Variants in SH3BP5 observed in about 807,000 individuals in gnomAD.
SH3BP5 encodes SH3 domain-binding protein 5.
A neutral mutation model predicts 43.3 loss-of-function variants in SH3BP5; 22 were observed. The observed-to-expected ratio is 0.51, with a 90% CI of 0.36 to 0.73. The LOEUF (loss-of-function observed/expected upper bound fraction) is 0.73. Ranked by LOEUF, SH3BP5 falls within the 30% of genes least tolerant of loss-of-function variation. The probability of loss-of-function intolerance (pLI) is 0.00; values close to 1 mark genes in which losing one functional copy is unlikely to be tolerated. For missense variants in SH3BP5, 529 were observed against 586.9 expected, an observed-to-expected ratio of 0.90 and a Z score of 1.02; for synonymous variants, 255 against 225.8, an observed-to-expected ratio of 1.13 and a Z score of -1.16.
At chr3:15,271,964 C>A (rs142962560) in intron 3 of SH3BP5, among the ~76,000 whole-genome samples, 1,904 of 152,196 alleles carry the variant, frequency 0.013, 26 homozygotes, top group Non-Finnish European at 0.017. Context: ...CTCGTCCCAC[C>A]ACCCTCCCTC....
At chr3:15,275,849 C>T (rs1423880779) in intron 3 of SH3BP5, 1 of 151,868 alleles carries the variant, frequency 6.6e-6, no homozygotes, top group African/African-American at 2.4e-5. Flanking sequence ...GGTGAAACCC[C>T]GCCTCTACCT....
chr3:15,286,598 A>G (rs1697272250), intron 3 of SH3BP5, among the ~76,000 whole-genome samples: 1 of 152,218 alleles, frequency 6.6e-6, no homozygotes, highest in Non-Finnish European at 1.5e-5. Flanking sequence ...CCCAGGCTAC[A>G]GTGCAGTGGC....
intron 1 of SH3BP5, 151 bp downstream of exon 1, chr3:15,332,120 C>A: frequency 1.6e-6 from 2 of 1,221,196 alleles, no homozygotes; most frequent in Non-Finnish European, 2.3e-6. Flanking sequence ...GACGATGAAA[C>A]GGAGCATACA....
chr3:15,267,870 A>C (rs2125060924), intron 4 of SH3BP5, among the ~76,000 whole-genome samples: 1 of 152,344 alleles, frequency 6.6e-6, no homozygotes, highest in East Asian at 1.9e-4. Flanking sequence ...ACAACAGATT[A>C]AATGACTTCT....
At chr3:15,295,829 A>G (rs1460638766) in intron 3 of SH3BP5, among the ~76,000 whole-genome samples, 3 of 152,240 alleles carry the variant, frequency 2.0e-5, no homozygotes, top group Non-Finnish European at 4.4e-5. Context: ...TTAAAAAAGC[A>G]GAGTGGACAG....
chr3:15,316,423 CCATGTTGGT>C (rs1238212857), intron 2 of SH3BP5, among the ~76,000 whole-genome samples: 4 of 151,912 alleles, frequency 2.6e-5, no homozygotes, highest in Non-Finnish European at 5.9e-5. Context: ...CGGGGTTTCA[CCATGTTGGT>C]CAGGCTGGTC....
At chr3:15,293,491 G>C (rs1167963418) in intron 3 of SH3BP5, among the ~76,000 whole-genome samples, 1 of 152,236 alleles carries the variant, frequency 6.6e-6, no homozygotes, top group Non-Finnish European at 1.5e-5. Context: ...TGGAACAAGA[G>C]CTTCTCGGAA....
chr3:15,297,521 T>C (rs901604166), intron 3 of SH3BP5, among the ~76,000 whole-genome samples: 5 of 152,212 alleles, frequency 3.3e-5, no homozygotes, highest in Non-Finnish European at 5.9e-5. Context: ...TCAATCGCTG[T>C]AGTAAATTGC....
intron 4 of SH3BP5, among the ~76,000 whole-genome samples, chr3:15,262,581 C>T (rs765144502): frequency 3.0e-4 from 46 of 152,166 alleles, no homozygotes; most frequent in Middle Eastern, 3.4e-3. Context: ...CACTTGAACC[C>T]GGAGGCAGAG....
At chr3:15,269,243 C>T (rs908857967) in intron 4 of SH3BP5, among the ~76,000 whole-genome samples, 3 of 152,154 alleles carry the variant, frequency 2.0e-5, no homozygotes, top group African/African-American at 4.8e-5. Context: ...GAAGGCCTGT[C>T]GTAAGTACAC....
At position 15,332,452 on chromosome 3, in the gene SH3BP5, C is replaced by A; in HGVS notation, c.-44G>T. The A allele has an allele frequency of 6.8e-7, 1 of 1,474,394 alleles. No individual in the cohort carries two copies. Among genetic ancestry groups the A allele is most frequent in the Non-Finnish European group, 8.9e-7 (1 of 1,119,118 alleles). The allele number at this position is 1,474,394 out of a possible 1,614,324, so 91.3% of individuals were successfully genotyped here. ...CGCCGCGCAGTGGGCTCCGGAGCGCCCCGGGGGTCGCGGCTGCCACAGGCT... is the reference window on the plus strand; with the variant it reads ...CGCCGCGCAGTGGGCTCCGGAGCGCACCGGGGGTCGCGGCTGCCACAGGCT... On this transcript the variant is annotated 5_prime_UTR_variant, in exon 1 of 9. Transcript: ENST00000383791.
intron 4 of SH3BP5, among the ~76,000 whole-genome samples, chr3:15,267,932 G>A (rs1696688843): frequency 6.6e-6 from 1 of 152,210 alleles, no homozygotes; most frequent in South Asian, 2.1e-4. Context: ...TGGAAGAAGG[G>A]CAAAAAGGAA....
chr3:15,297,115 C>A (rs1575323001), intron 3 of SH3BP5, among the ~76,000 whole-genome samples: 1 of 152,170 alleles, frequency 6.6e-6, no homozygotes, highest in Admixed American at 6.5e-5. Context: ...TATGCTCGAC[C>A]CATTTCATTT....
chr3:15,265,390 C>G (rs902420903), intron 4 of SH3BP5, among the ~76,000 whole-genome samples: 2 of 151,986 alleles, frequency 1.3e-5, no homozygotes, highest in African/African-American at 4.8e-5. Context: ...GTGGTTGGTG[C>G]CTGTAGTCCC....
intron 3 of SH3BP5, among the ~76,000 whole-genome samples, chr3:15,292,018 A>G (rs1697425904): frequency 6.6e-6 from 1 of 152,204 alleles, no homozygotes; most frequent in Non-Finnish European, 1.5e-5. Flanking sequence ...TCACCAGGCA[A>G]CATAAAAAGG....
intron 2 of SH3BP5, among the ~76,000 whole-genome samples, chr3:15,323,020 T>G (rs1698371209): frequency 1.3e-5 from 2 of 151,964 alleles, no homozygotes; most frequent in South Asian, 4.2e-4. Flanking sequence ...ATGCCTGTAA[T>G]CCCAGCTACT....
intron 5 of SH3BP5, among the ~76,000 whole-genome samples, chr3:15,261,344 A>G (rs1696430233): frequency 6.6e-6 from 1 of 152,258 alleles, no homozygotes; most frequent in Non-Finnish European, 1.5e-5. Context: ...GGGGTAGTAC[A>G]GAGCCTAGGA....
chr3:15,258,888 T>C lies in SH3BP5; in HGVS notation c.832A>G (p.Ser278Gly). ...PRGCGVGAEG[S>G]STSVEDLPGS... ...GGCAGATCCTCCACAGATGTGCTGC[T>C]GCCCTCAGCACCAACACCGCATCCC... Residue 278 changes from serine (S) to glycine (G), a missense_variant, in exon 7 of 9, where the codon AGC becomes GGC. Around this residue, in one of 3 missense-constraint regions of SH3BP5, gnomAD observed 369 missense variants for 384.3 expected, o/e 0.96. Coordinates refer to ENST00000383791, the MANE Select transcript of SH3BP5 (RefSeq NM_004844.5). 1.2e-6 allele frequency: 2 copies of C among 1,614,246 alleles called. No homozygotes were observed. Among genetic ancestry groups the C allele is most frequent in the Non-Finnish European group, 1.7e-6 (2 of 1,180,038 alleles).
At chr3:15,337,914 CAAA>C (rs5846867) in intron 1 of SH3BP5, among the ~76,000 whole-genome samples, 4 of 63,306 alleles carry the variant, frequency 6.3e-5, no homozygotes, top group Non-Finnish European at 1.2e-4. Flanking sequence ...GACCCTGACT[CAAA>C]AAAAAAAAAA....
Sources: gnomAD v4.1 joint callset for allele counts (sites outside exome capture counted in the v4.1 genomes callset) on GRCh38, gnomAD v4.1.1 for gene constraint, gnomAD v4.1.1 regional missense constraint, MANE v1.5 for transcripts, NCBI Gene and HGNC (gene_info 2026-07-23, HGNC 2026-07-21) for gene names.